Variants in RAB14 observed in about 807,000 individuals in gnomAD.
The protein encoded by RAB14 is RAB14, member RAS oncogene family.
In RAB14, 3 loss-of-function variants were observed where a neutral mutation model predicts 31.1. That is an observed-to-expected ratio of 0.10 (90% CI 0.04 to 0.25). RAB14 has a LOEUF of 0.25. Among genes scored for constraint, RAB14 ranks in the 10% least tolerant of loss-of-function variants. RAB14 has a pLI of 1.00. For synonymous variants in RAB14, 85 were observed against 84.9 expected (o/e 1.00, Z 0.00); for missense variants, 111 against 260.1 (o/e 0.43, Z 3.94).
Position 121,179,184 on chromosome 9 carries a change from CTCTT to C in RAB14, c.*2208_*2211del, listed in dbSNP as rs2132019101. The C allele has an allele frequency of 6.6e-6, 1 of 152,360 alleles. No homozygotes were observed. Among genetic ancestry groups the C allele is most frequent in the East Asian group, 1.9e-4 (1 of 5,188 alleles). 9.4% of individuals were successfully genotyped at this position (152,360 alleles called of 1,614,324 possible). ...TTTTATATGCTACATACGTAGACCT[CTCTT>C]TATACAATGAATATGGACAGTGCTG... On this transcript the variant is annotated 3_prime_UTR_variant, in exon 8 of 8. Coordinates refer to ENST00000373840, the MANE Select transcript of RAB14 (RefSeq NM_016322.4).
chr9:121,182,785 T>C (rs2053640103), intron 7 of RAB14, 145 bp downstream of exon 7: 1 of 486,858 alleles, frequency 2.1e-6, no homozygotes, highest in Admixed American at 4.3e-5. Flanking sequence ...AGCAAAGAGA[T>C]GTTTGCTGTT....
rs371828786 is a variant in RAB14, at chr9:121,195,919, G to T, written c.-7-2500C>A. Among the ~76,000 whole-genome samples the T allele has an allele frequency of 4.3e-4, 65 of 152,106 alleles. 1 individual carries two copies. Among genetic ancestry groups the T allele is most frequent in the African/African-American group, 1.5e-3 (62 of 41,494 alleles). On this transcript the variant is annotated intron_variant, in intron 1 of 7. Transcript: ENST00000373840. ...ATTTCAGTCAAAAGTATTTGCAGTA[G>T]AATTATATTCAATACTAAATAGGCT...
intron 1 of RAB14, among the ~76,000 whole-genome samples, chr9:121,197,429 C>T (rs1442055949): frequency 2.0e-5 from 3 of 152,150 alleles, no homozygotes; most frequent in East Asian, 1.9e-4. Context: ...AAATGGGGTA[C>T]GCCATCTTGT....
At chr9:121,183,421 A>T in intron 5 of RAB14, 23 bp from the exon 6 acceptor site, 1 of 1,509,772 alleles carries the variant, frequency 6.6e-7, no homozygotes, top group Non-Finnish European at 9.1e-7. Flanking sequence ...CAAAAGAAAG[A>T]CACCTTGTAA....
rs2053621936 is a variant in RAB14 at position 121,179,582 on chromosome 9, G to A, written c.*1814C>T. The stretch of plus-strand genomic sequence containing the variant: ...GGTGAGTCCCTTGTGATGCAACAGT[G>A]TAAGCAAAATGGATCACTGTAAGTC... On this transcript the variant is annotated 3_prime_UTR_variant, in exon 8 of 8. Transcript: ENST00000373840. 1 of 152,616 alleles carries A rather than the reference G, an allele frequency of 6.6e-6. No homozygotes were observed. The highest frequency in any genetic ancestry group is 1.5e-5 in the Non-Finnish European group (1 of 68,034). 9.5% of individuals were successfully genotyped at this position (152,616 alleles called of 1,614,324 possible). A position where few individuals can be genotyped will look rare whatever the true frequency, so the allele number is the denominator to read the frequency against.
rs569781007 is a variant in RAB14 at position 121,180,770 on chromosome 9, G to T, written c.*626C>A. The T allele has an allele frequency of 3.7e-4, 56 of 152,638 alleles. No individual in the cohort carries two copies. The highest frequency in any genetic ancestry group is 4.1e-4 in the Non-Finnish European group (28 of 68,002). 9.5% of individuals were successfully genotyped at this position (152,638 alleles called of 1,614,324 possible). On this transcript the variant is annotated 3_prime_UTR_variant, in exon 8 of 8. Coordinates refer to ENST00000373840, the MANE Select transcript of RAB14 (RefSeq NM_016322.4). ...TATTTACTTTCTGTTAAAGAGAAAA[G>T]GATAAAATGGTATAAAAAAAGATAA...
Position 121,193,431 on chromosome 9 carries a change from G to A in RAB14, c.-7-12C>T. 3 of 1,547,550 alleles carry A rather than the reference G, an allele frequency of 1.9e-6. No homozygotes were observed. The highest frequency in any genetic ancestry group is 2.6e-6 in the Non-Finnish European group (3 of 1,140,686). ...TTGCCATGGTGGCACTAAAAACAAAGAAATCTCTGTTACTTCAGAAGGAAA... is the reference window on the plus strand; with the variant it reads ...TTGCCATGGTGGCACTAAAAACAAAAAAATCTCTGTTACTTCAGAAGGAAA... On this transcript the variant is annotated splice_polypyrimidine_tract_variant and intron_variant, in intron 1 of 7. Coordinates refer to ENST00000373840, the MANE Select transcript of RAB14 (RefSeq NM_016322.4).
At chr9:121,199,643 A>C (rs1052280535) in intron 1 of RAB14, among the ~76,000 whole-genome samples, 1 of 152,268 alleles carries the variant, frequency 6.6e-6, no homozygotes, top group African/African-American at 2.4e-5. Context: ...TGTAATACAA[A>C]AAAAGCAACA....
chr9:121,185,101 G>GA (rs2132022965), intron 5 of RAB14, among the ~76,000 whole-genome samples: 1 of 152,230 alleles, frequency 6.6e-6, no homozygotes, highest in East Asian at 1.9e-4. Flanking sequence ...AAAAACTCAA[G>GA]AAATTTTTTT....
chr9:121,194,194 A>G (rs1008046927), intron 1 of RAB14, among the ~76,000 whole-genome samples: 3 of 151,276 alleles, frequency 2.0e-5, no homozygotes, highest in Non-Finnish European at 2.9e-5. Context: ...CTCCCATCTC[A>G]GTCTCCCAAA....
intron 1 of RAB14, among the ~76,000 whole-genome samples, chr9:121,197,434 T>C (rs2053724085): frequency 2.0e-5 from 3 of 152,162 alleles, no homozygotes; most frequent in South Asian, 2.1e-4. Context: ...GGGTACGCCA[T>C]CTTGTAAAAT....
intron 1 of RAB14, among the ~76,000 whole-genome samples, chr9:121,195,198 C>T (rs1010191107): frequency 6.6e-6 from 1 of 152,126 alleles, no homozygotes; most frequent in Non-Finnish European, 1.5e-5. Context: ...TAATCTCTTA[C>T]ATTAAAAATA....
intron 1 of RAB14, among the ~76,000 whole-genome samples, chr9:121,201,349 G>A (rs1442806829): frequency 1.3e-5 from 2 of 152,122 alleles, no homozygotes; most frequent in African/African-American, 2.4e-5. Flanking sequence ...GGAAGGCGAG[G>A]CCGGAACACA....
chr9:121,193,956 G>A (rs1002334504), intron 1 of RAB14, among the ~76,000 whole-genome samples: 3 of 152,048 alleles, frequency 2.0e-5, no homozygotes, highest in African/African-American at 4.8e-5. Context: ...GCAGCGCAAA[G>A]AGCAATCGTA....
intron 2 of RAB14, among the ~76,000 whole-genome samples, 183 bp from the exon 3 acceptor site, chr9:121,192,407 T>TTGTCA (rs1344785410): frequency 6.6e-6 from 1 of 152,160 alleles, no homozygotes; most frequent in African/African-American, 2.4e-5. Flanking sequence ...TTATTCCCAA[T>TTGTCA]CTTTAGCAGT....
intron 5 of RAB14, among the ~76,000 whole-genome samples, chr9:121,184,423 T>C (rs1447918678): frequency 6.6e-6 from 1 of 152,140 alleles, no homozygotes; most frequent in Non-Finnish European, 1.5e-5. Context: ...GGCCTTTACC[T>C]GGGGTGGGGA....
chr9:121,183,284 TG>T, intron 6 of RAB14, 26 bp downstream of exon 6: 1 of 1,554,024 alleles, frequency 6.4e-7, no homozygotes, highest in Non-Finnish European at 8.8e-7. Context: ...CTCCCAATTG[TG>T]ACCATTAAGT....
chr9:121,193,551 A>G (rs2053697982), intron 1 of RAB14, 132 bp from the exon 2 acceptor site: 1 of 614,444 alleles, frequency 1.6e-6, no homozygotes, highest in Non-Finnish European at 2.9e-6. Flanking sequence ...AAGTCAAAAT[A>G]AAACTGCATT....
rs1196344896 is a variant in RAB14 at position 121,180,375 on chromosome 9, G to A, written c.*1021C>T. On this transcript the variant is annotated 3_prime_UTR_variant, in exon 8 of 8. Coordinates refer to ENST00000373840, the MANE Select transcript of RAB14 (RefSeq NM_016322.4). ...AGAATGCAGCCTGTAATGCAAAAAC[G>A]TTTACAAAAAGAGAAAAGCAGGTTA... is the stretch of plus-strand genomic sequence containing the variant. The A allele has an allele frequency of 6.6e-6, 1 of 152,602 alleles. No homozygotes were observed. The highest frequency in any genetic ancestry group is 2.4e-5 in the African/African-American group (1 of 41,428). The allele number at this position is 152,602 out of a possible 1,614,324, so 9.5% of individuals were successfully genotyped here.
Sources: allele counts gnomAD v4.1 joint callset (sites outside exome capture counted in the v4.1 genomes callset), GRCh38; gene constraint gnomAD v4.1.1; transcripts MANE v1.5; gene names NCBI Gene and HGNC (gene_info 2026-07-23, HGNC 2026-07-21).